PTPRN2: variants seen among roughly 807,000 people sequenced by gnomAD.
PTPRN2 encodes the protein protein tyrosine phosphatase receptor type N2.
Under a neutral mutation model 118.8 loss-of-function variants are expected in PTPRN2, and 74 were observed. The observed-to-expected ratio is 0.62, with a 90% CI of 0.52 to 0.76. The LOEUF (loss-of-function observed/expected upper bound fraction) is 0.76, where lower values mean the gene tolerates loss of function less well. Among genes scored for constraint, PTPRN2 ranks in the 30% least tolerant of loss-of-function variants. The pLI is 0.00. For missense variants in PTPRN2, 1,481 were observed against 1,394.4 expected, an observed-to-expected ratio of 1.06 and a Z score of -0.99; for synonymous variants, 641 against 608.0, an observed-to-expected ratio of 1.05 and a Z score of -0.80.
rs1440676735 is a variant in PTPRN2 at position 158,096,782 on chromosome 7, C to A, written c.1643+14047G>T. 3.3e-5 allele frequency among the ~76,000 whole-genome samples: 5 copies of A among 152,334 alleles called. No homozygotes were observed. The East Asian group carries it at 9.7e-4, about 29-fold the overall frequency. On this transcript the variant is annotated intron_variant, in intron 10 of 22. Transcript: ENST00000389418. Reference sequence around the variant, plus strand: ...TGGCAAATCCAGAACACAGGTGAAACAGGTAGCAACATTGCCCGTGAGGGC... The same window carrying A: ...TGGCAAATCCAGAACACAGGTGAAAAAGGTAGCAACATTGCCCGTGAGGGC...
At chr7:157,716,196 C>T (rs1448786722) in intron 12 of PTPRN2, among the ~76,000 whole-genome samples, 1 of 152,266 alleles carries the variant, frequency 6.6e-6, no homozygotes, top group Non-Finnish European at 1.5e-5. Context: ...GGAACTCATA[C>T]ACCTGAGTCC....
chr7:158,432,702 T>TGCTGCCTGAAGACGCAGCCTGGC (rs1816309501), intron 2 of PTPRN2, among the ~76,000 whole-genome samples: 1 of 152,220 alleles, frequency 6.6e-6, no homozygotes, highest in African/African-American at 2.4e-5. Context: ...CACAGCTTGG[T>TGCTGCCTGAAGACGCAGCCTGGC]GCTGCCTGAA....
At chr7:157,758,320 G>T (rs1482678489) in intron 12 of PTPRN2, among the ~76,000 whole-genome samples, 1 of 152,260 alleles carries the variant, frequency 6.6e-6, no homozygotes, top group Non-Finnish European at 1.5e-5. Context: ...CCTGGGTCAT[G>T]CTCCGCTCAG....
intron 12 of PTPRN2, among the ~76,000 whole-genome samples, chr7:157,819,098 G>GC (rs1479875145): frequency 6.6e-6 from 1 of 152,156 alleles, no homozygotes; most frequent in Admixed American, 6.5e-5. Flanking sequence ...ACTGGCCCCA[G>GC]CCCCCCAAAC....
At position 157,587,135 on chromosome 7, in the gene PTPRN2, A is replaced by ACAGGCAGG. The variant is rs1403012173; in HGVS notation, c.2496+8095_2496+8102dup. 2.9e-5 allele frequency among the ~76,000 whole-genome samples: 4 copies of ACAGGCAGG among 138,302 alleles called. No homozygotes were observed. The highest frequency in any genetic ancestry group is 1.7e-4 in the Admixed American group (2 of 12,046). 90.7% of individuals were successfully genotyped at this position (138,302 alleles called of 152,430 possible). A position where few individuals can be genotyped will look rare whatever the true frequency, so the allele number is the denominator to read the frequency against. ...GCTGACACAGCAGACAGGCAGATAC[A>ACAGGCAGG]CAGGCAGGCAGACAGGCAGACAGGC... On this transcript the variant is annotated intron_variant, in intron 17 of 22. Coordinates refer to ENST00000389418, the MANE Select transcript of PTPRN2 (RefSeq NM_002847.5). This position sits in a 1 kb window ranked among gnomAD's most constrained non-coding sequence, Gnocchi z 5.3.
At chr7:157,985,792 C>G (rs1041685384) in intron 11 of PTPRN2, among the ~76,000 whole-genome samples, 11 of 152,166 alleles carry the variant, frequency 7.2e-5, no homozygotes, top group Non-Finnish European at 1.5e-4. Flanking sequence ...CATCCAAATC[C>G]GGAGAGCAGG....
intron 13 of PTPRN2, among the ~76,000 whole-genome samples, chr7:157,670,636 C>G (rs192012210): frequency 6.6e-6 from 1 of 152,144 alleles, no homozygotes; most frequent in Non-Finnish European, 1.5e-5. Flanking sequence ...GCCAGACTGC[C>G]GTTGGTGAGA....
At chr7:158,507,912 T>C (rs1822883129) in intron 1 of PTPRN2, among the ~76,000 whole-genome samples, 1 of 149,840 alleles carries the variant, frequency 6.7e-6, no homozygotes, top group Non-Finnish European at 1.5e-5. Context: ...GTGAGGACCA[T>C]CCAGGGGACA....
intron 9 of PTPRN2, among the ~76,000 whole-genome samples, chr7:158,114,507 C>A (rs77305703): frequency 6.6e-6 from 1 of 152,170 alleles, no homozygotes; most frequent in Non-Finnish European, 1.5e-5. Context: ...AGACGTGCCG[C>A]GGGAATGCTC....
chr7:157,970,682 T>C (rs902525678), intron 11 of PTPRN2, among the ~76,000 whole-genome samples: 6 of 136,302 alleles, frequency 4.4e-5, no homozygotes, highest in African/African-American at 1.6e-4. Context: ...ACCTAGATCC[T>C]GGTGAGCCTT....
At position 157,953,522 on chromosome 7, in the gene PTPRN2, T is replaced by C. The variant is rs897280826; in HGVS notation, c.1724-54785A>G. Among the ~76,000 whole-genome samples the C allele has an allele frequency of 6.6e-6, 1 of 152,172 alleles. No individual in the cohort carries two copies. Among genetic ancestry groups the C allele is most frequent in the African/African-American group, 2.4e-5 (1 of 41,436 alleles). Reference sequence around the variant, plus strand: ...AGGCTGCTGGCACGGGTGCCTTTGCTGCCGGCTGCTGTCTGTGCTGCCCTG... The same window carrying C: ...AGGCTGCTGGCACGGGTGCCTTTGCCGCCGGCTGCTGTCTGTGCTGCCCTG... On this transcript the variant is annotated intron_variant, in intron 11 of 22. Coordinates refer to ENST00000389418, the MANE Select transcript of PTPRN2 (RefSeq NM_002847.5). The surrounding 1 kb of genome is among the most constrained non-coding windows in gnomAD (Gnocchi z 4.6).
At chr7:158,002,362 C>T (rs971441674) in intron 11 of PTPRN2, among the ~76,000 whole-genome samples, 4 of 152,138 alleles carry the variant, frequency 2.6e-5, no homozygotes, top group African/African-American at 9.7e-5. Flanking sequence ...AAATTAGTGC[C>T]ACAGAGTTTC....
rs897683268 is a variant in PTPRN2 at position 157,585,178 on chromosome 7, C to T, written c.2497-7038G>A. Among the ~76,000 whole-genome samples the T allele has an allele frequency of 1.3e-5, 2 of 152,200 alleles. No individual in the cohort carries two copies. Among genetic ancestry groups the T allele is most frequent in the South Asian group, 2.1e-4 (1 of 4,832 alleles). ...GGCAGCGGGAGGAACCCCCCTGTGC[C>T]GCTATCAGATCGACGCCTGTGCTGC... is the stretch of plus-strand genomic sequence containing the variant. On this transcript the variant is annotated intron_variant, in intron 17 of 22. Transcript: ENST00000389418. This position sits in a 1 kb window ranked among gnomAD's most constrained non-coding sequence, Gnocchi z 5.2.
In PTPRN2 at chr7:157,650,882, A is replaced by G. The variant is rs1344359883; in HGVS notation, c.2196+5475T>C. The stretch of plus-strand genomic sequence containing the variant: ...TATCGCTAAGAACTAAGAAGCCTGG[A>G]GCCTGACAAGATCAAACAATGAGAG... On this transcript the variant is annotated intron_variant, in intron 14 of 22. Transcript: ENST00000389418. 2.6e-5 allele frequency among the ~76,000 whole-genome samples: 4 copies of G among 152,308 alleles called. No homozygotes were observed. In the East Asian group the frequency reaches 7.7e-4, roughly 29 times the overall value.
chr7:158,088,351 T>G (rs199686753), intron 10 of PTPRN2, among the ~76,000 whole-genome samples: 319 of 23,002 alleles, frequency 0.014, 4 homozygotes, highest in African/African-American at 0.026. Flanking sequence ...CCTCCCCTGA[T>G]GAAAGAGGGA....
chr7:158,035,151 G>A (rs1480114462), intron 11 of PTPRN2, among the ~76,000 whole-genome samples: 8 of 152,320 alleles, frequency 5.3e-5, no homozygotes, highest in South Asian at 4.1e-4. Flanking sequence ...GCATCGTCAC[G>A]ATAGTGTGTT....
chr7:158,237,978 T>C (rs1266156490), intron 3 of PTPRN2, among the ~76,000 whole-genome samples: 1 of 152,142 alleles, frequency 6.6e-6, no homozygotes, highest in Non-Finnish European at 1.5e-5. Flanking sequence ...GTGTCTGTGA[T>C]TTCTGTGGCC....
intron 2 of PTPRN2, among the ~76,000 whole-genome samples, chr7:158,342,220 ACACT>A (rs1807012919): frequency 7.0e-6 from 1 of 142,434 alleles, no homozygotes; most frequent in Non-Finnish European, 1.5e-5. Context: ...CACGTCACTC[ACACT>A]CACACTCTCA....
intron 12 of PTPRN2, among the ~76,000 whole-genome samples, chr7:157,826,888 A>G (rs1055844452): frequency 1.3e-5 from 2 of 152,122 alleles, no homozygotes; most frequent in Admixed American, 1.3e-4. Flanking sequence ...GGGGCAGCGA[A>G]TTCATCTGCC....
Sources: gnomAD v4.1 joint callset for allele counts (sites outside exome capture counted in the v4.1 genomes callset) on GRCh38, gnomAD v4.1.1 for gene constraint, Gnocchi (gnomAD v3.1) non-coding constraint, MANE v1.5 for transcripts, NCBI Gene and HGNC (gene_info 2026-07-23, HGNC 2026-07-21) for gene names.